GRB2: variants seen among roughly 807,000 people sequenced by gnomAD.
The protein encoded by GRB2 is growth factor receptor bound protein 2, also known as growth factor receptor-bound protein 2.
A neutral mutation model predicts 27.4 loss-of-function variants in GRB2; 2 were observed. That is an observed-to-expected ratio of 0.07 (90% CI 0.03 to 0.23). GRB2 has a LOEUF of 0.23. Ranked by LOEUF, GRB2 falls within the 10% of genes least tolerant of loss-of-function variation. The probability of loss-of-function intolerance (pLI) is 1.00; values close to 1 mark genes in which losing one functional copy is unlikely to be tolerated. For synonymous variants in GRB2, 94 were observed against 99.6 expected, an observed-to-expected ratio of 0.94 and a Z score of 0.33; for missense variants, 102 against 282.4, an observed-to-expected ratio of 0.36 and a Z score of 4.58.
At chr17:75,339,342 C>T (rs975291565) in intron 2 of GRB2, among the ~76,000 whole-genome samples, 7 of 150,774 alleles carry the variant, frequency 4.6e-5, no homozygotes, top group East Asian at 3.9e-4. Flanking sequence ...TACAGGCGCC[C>T]GCCACCACGC....
intron 2 of GRB2, among the ~76,000 whole-genome samples, chr17:75,369,581 G>A (rs1189095844): frequency 4.0e-5 from 6 of 151,560 alleles, no homozygotes; most frequent in Admixed American, 6.6e-5. Context: ...TGGGCCAGGC[G>A]CAGTAGCTTA....
chr17:75,401,259 C>A (rs2079061693), intron 1 of GRB2, among the ~76,000 whole-genome samples: 1 of 151,694 alleles, frequency 6.6e-6, no homozygotes, highest in African/African-American at 2.4e-5. Flanking sequence ...TCCTGGCTAA[C>A]AAGGTGAAAC....
At chr17:75,357,687 G>A (rs575407439) in intron 2 of GRB2, among the ~76,000 whole-genome samples, 1 of 152,270 alleles carries the variant, frequency 6.6e-6, no homozygotes, top group East Asian at 1.9e-4. Context: ...TTGGGAGGCC[G>A]AGGAGAGTAA....
intron 2 of GRB2, among the ~76,000 whole-genome samples, chr17:75,391,692 C>T (rs111692030): frequency 6.6e-5 from 10 of 151,652 alleles, no homozygotes; most frequent in African/African-American, 1.9e-4. Context: ...CCTGTAGTCC[C>T]GGCTACTCGG....
intron 1 of GRB2, among the ~76,000 whole-genome samples, chr17:75,403,918 A>G (rs1240007268): frequency 1.3e-5 from 2 of 152,208 alleles, no homozygotes; most frequent in Non-Finnish European, 2.9e-5. Context: ...GTTCAAGACC[A>G]ACCTGGGCAA....
rs1391262382 is a variant in GRB2, at chr17:75,339,619, CTTTCT to C, written c.79-6827_79-6823del. Among the ~76,000 whole-genome samples the C allele has an allele frequency of 3.3e-3, 403 of 120,900 alleles. 1 individual carries two copies. Among genetic ancestry groups the C allele is most frequent in the Non-Finnish European group, 4.6e-3 (257 of 55,294 alleles). The allele number at this position is 120,900 out of a possible 152,430, so 79.3% of individuals were successfully genotyped here. A position where few individuals can be genotyped will look rare whatever the true frequency, so the allele number is the denominator to read the frequency against. On this transcript the variant is annotated intron_variant, in intron 2 of 5. Transcript: ENST00000316804. Reference sequence around the variant, plus strand: ...GATATATACATTTTCCTTTTTCTTTCTTTCTTTTTTTTTTTTTTTGAGACAGCTTC... The same window carrying C: ...GATATATACATTTTCCTTTTTCTTTCTTTTTTTTTTTTTTGAGACAGCTTC...
intron 2 of GRB2, among the ~76,000 whole-genome samples, chr17:75,368,764 G>T (rs2078837367): frequency 6.6e-6 from 1 of 151,352 alleles, no homozygotes; most frequent in African/African-American, 2.4e-5. Context: ...GCCCAGGCTG[G>T]TCTTGAACTC....
chr17:75,336,261 G>C (rs2078576119), intron 2 of GRB2, among the ~76,000 whole-genome samples: 1 of 152,176 alleles, frequency 6.6e-6, no homozygotes, highest in Non-Finnish European at 1.5e-5. Context: ...GGCTGGAGTA[G>C]CTGGGACTAC....
intron 2 of GRB2, among the ~76,000 whole-genome samples, chr17:75,374,964 T>C (rs1036008365): frequency 1.3e-5 from 2 of 152,310 alleles, no homozygotes; most frequent in Admixed American, 1.3e-4. Flanking sequence ...AGCGAGATCA[T>C]GGCTCACTGC....
intron 4 of GRB2, among the ~76,000 whole-genome samples, chr17:75,324,595 A>G (rs892482247): frequency 6.4e-5 from 9 of 140,412 alleles, no homozygotes; most frequent in African/African-American, 2.5e-4. Context: ...TCGCCTCACT[A>G]CAACCTCCGC....
chr17:75,373,887 A>C (rs1175967835), intron 2 of GRB2, among the ~76,000 whole-genome samples: 1 of 133,596 alleles, frequency 7.5e-6, no homozygotes, highest in Non-Finnish European at 1.5e-5. Context: ...TCCGCTTCCC[A>C]GGCTCATGCC....
chr17:75,396,441 C>T (rs2079029720), intron 1 of GRB2, among the ~76,000 whole-genome samples: 1 of 152,082 alleles, frequency 6.6e-6, no homozygotes, highest in Non-Finnish European at 1.5e-5. Flanking sequence ...CAGGGTCTCA[C>T]TATGTGAGAC....
chr17:75,379,452 A>G (rs900269550), intron 2 of GRB2, among the ~76,000 whole-genome samples: 1 of 149,806 alleles, frequency 6.7e-6, no homozygotes, highest in African/African-American at 2.4e-5. Flanking sequence ...AGGCTGGAGT[A>G]CAGTGGGGCA....
At chr17:75,338,831 T>C in intron 2 of GRB2, 1 of 761,556 alleles carries the variant, frequency 1.3e-6, no homozygotes, top group East Asian at 2.5e-5. Flanking sequence ...ACGCAAATGG[T>C]CAACTTTCCT....
chr17:75,348,984 T>C (rs2078671718), intron 2 of GRB2, among the ~76,000 whole-genome samples: 1 of 152,144 alleles, frequency 6.6e-6, no homozygotes, highest in Admixed American at 6.6e-5. Flanking sequence ...CCCAGCAACA[T>C]GTTTCTAAAT....
At chr17:75,337,024 C>T (rs945444802) in intron 2 of GRB2, among the ~76,000 whole-genome samples, 2 of 152,204 alleles carry the variant, frequency 1.3e-5, no homozygotes, top group African/African-American at 4.8e-5. Flanking sequence ...AGGCGTGAGC[C>T]ATCATGCTGG....
At chr17:75,347,798 G>A (rs1445011565) in intron 2 of GRB2, among the ~76,000 whole-genome samples, 1 of 152,088 alleles carries the variant, frequency 6.6e-6, no homozygotes, top group Non-Finnish European at 1.5e-5. Context: ...GTCCCCAGCT[G>A]GAGTCAACAC....
At chr17:75,377,772 T>C (rs1007344228) in intron 2 of GRB2, among the ~76,000 whole-genome samples, 1 of 151,822 alleles carries the variant, frequency 6.6e-6, no homozygotes, top group Non-Finnish European at 1.5e-5. Context: ...CCGGGTATGG[T>C]GGCACACGCC....
chr17:75,350,593 A>C (rs1441887081), intron 2 of GRB2, among the ~76,000 whole-genome samples: 2 of 152,068 alleles, frequency 1.3e-5, no homozygotes, highest in Admixed American at 6.6e-5. Context: ...CTGGGTTCAC[A>C]CCATTCTCCT....
Sources: allele counts gnomAD v4.1 joint callset (sites outside exome capture counted in the v4.1 genomes callset), GRCh38; gene constraint gnomAD v4.1.1; transcripts MANE v1.5; gene names NCBI Gene and HGNC (gene_info 2026-07-23, HGNC 2026-07-21).